The following ATF1 variants were observed in gnomAD, a reference collection of about 807,000 sequenced individuals.
ATF1 encodes the protein activating transcription factor 1.
Under a neutral mutation model 34.7 loss-of-function variants are expected in ATF1, and 16 were observed. The ratio of observed to expected loss-of-function variants is 0.46; its 90% CI spans 0.31 to 0.70. ATF1 has a LOEUF of 0.70. Ranked by LOEUF, ATF1 falls within the 30% of genes least tolerant of loss-of-function variation. The pLI is 0.05. For missense variants in ATF1, 255 were observed against 321.6 expected (o/e 0.79, Z 1.58); for synonymous variants, 105 against 113.1 (o/e 0.93, Z 0.46).
intron 3 of ATF1, chr12:50,806,365 T>C (rs1941617142): frequency 3.9e-6 from 2 of 507,142 alleles, no homozygotes; most frequent in Non-Finnish European, 8.1e-6. Context: ...GATGGGCTTG[T>C]AGACACAAAA....
chr12:50,800,252 A>G (rs1251350512), intron 3 of ATF1, among the ~76,000 whole-genome samples: 1 of 152,218 alleles, frequency 6.6e-6, no homozygotes, highest in African/African-American at 2.4e-5. Context: ...TTGGCACCCA[A>G]AATTCTATGT....
chr12:50,813,729 G>A (rs970674822), intron 4 of ATF1, among the ~76,000 whole-genome samples: 1 of 152,052 alleles, frequency 6.6e-6, no homozygotes, highest in Admixed American at 6.6e-5. Flanking sequence ...CACAAGAATG[G>A]CTTGAACCCA....
intron 1 of ATF1, among the ~76,000 whole-genome samples, chr12:50,774,841 G>A (rs142533559): frequency 7.4e-5 from 11 of 149,392 alleles, no homozygotes; most frequent in African/African-American, 9.8e-5. Flanking sequence ...TCCGCCTCCC[G>A]GGTTCACGCC....
intron 3 of ATF1, among the ~76,000 whole-genome samples, chr12:50,808,990 G>A (rs994311825): frequency 5.3e-5 from 8 of 152,022 alleles, no homozygotes; most frequent in African/African-American, 1.7e-4. Flanking sequence ...CGCTGGTCTC[G>A]GCCTCCCAAA....
chr12:50,814,134 T>C lies in ATF1; in HGVS notation c.453T>C (p.Tyr151=). 4 of 1,614,250 alleles carry C rather than the reference T, an allele frequency of 2.5e-6. No individual in the cohort carries two copies. The highest frequency in any genetic ancestry group is 3.4e-6 in the Non-Finnish European group (4 of 1,180,040). Residue 151 remains tyrosine, a synonymous_variant, in exon 5 of 7, where the codon TAT becomes TAC. Coordinates refer to ENST00000262053, the MANE Select transcript of ATF1 (RefSeq NM_005171.5). ...AGCAAGGTACAACTATTCTTCAGTATGCACAGACCTCTGATGGACAGCAGA... is the reference window on the plus strand; with the variant it reads ...AGCAAGGTACAACTATTCTTCAGTACGCACAGACCTCTGATGGACAGCAGA... ...STQQGTTILQ[Y]AQTSDGQQIL...
chr12:50,773,455 T>TC (rs1393649082), intron 1 of ATF1, among the ~76,000 whole-genome samples: 3 of 147,894 alleles, frequency 2.0e-5, no homozygotes, highest in Admixed American at 6.7e-5. Flanking sequence ...TTTTTTTTTT[T>TC]TTTTTTTTTT....
intron 2 of ATF1, among the ~76,000 whole-genome samples, chr12:50,785,593 A>C (rs1941170564): frequency 6.6e-6 from 1 of 152,176 alleles, no homozygotes; most frequent in Non-Finnish European, 1.5e-5. Flanking sequence ...TTGCGGTCTC[A>C]CACCAAACTG....
intron 2 of ATF1, among the ~76,000 whole-genome samples, chr12:50,789,017 C>T (rs1341817415): frequency 5.3e-5 from 8 of 151,892 alleles, no homozygotes; most frequent in South Asian, 2.1e-4. Context: ...TTCAGGCATG[C>T]GTTACAGTGC....
intron 2 of ATF1, among the ~76,000 whole-genome samples, chr12:50,780,908 A>G (rs1941045993): frequency 1.3e-5 from 2 of 152,044 alleles, no homozygotes; most frequent in South Asian, 2.1e-4. Context: ...TGCAGTGAGC[A>G]CAGACTATGC....
chr12:50,808,634 T>A (rs1192160842), intron 3 of ATF1, among the ~76,000 whole-genome samples: 2 of 152,102 alleles, frequency 1.3e-5, no homozygotes. Flanking sequence ...CAGCCCTCTT[T>A]ACTCTTTAAA....
intron 6 of ATF1, 80 bp downstream of exon 6, chr12:50,814,519 T>C: frequency 7.1e-7 from 1 of 1,407,014 alleles, no homozygotes; most frequent in South Asian, 1.3e-5. Context: ...ACTGGAACTG[T>C]ATACAGTCAT....
chr12:50,766,675 A>T (rs1940644371), intron 1 of ATF1, among the ~76,000 whole-genome samples: 1 of 127,660 alleles, frequency 7.8e-6, no homozygotes, highest in South Asian at 2.9e-4. Context: ...TAAAAGGGGA[A>T]TCTTGAGAGC....
chr12:50,793,943 T>A (rs979814336), intron 2 of ATF1, among the ~76,000 whole-genome samples: 2 of 151,944 alleles, frequency 1.3e-5, no homozygotes, highest in African/African-American at 4.8e-5. Flanking sequence ...GGTTATTTTT[T>A]ATTTATTTTT....
At chr12:50,780,839 A>T (rs1941044596) in intron 2 of ATF1, among the ~76,000 whole-genome samples, 1 of 152,010 alleles carries the variant, frequency 6.6e-6, no homozygotes, top group Non-Finnish European at 1.5e-5. Context: ...GGTTGCCTGT[A>T]ATCCCAGCTG....
intron 3 of ATF1, among the ~76,000 whole-genome samples, chr12:50,799,218 CTACAAAAAA>C (rs1941468280): frequency 6.6e-6 from 1 of 152,090 alleles, no homozygotes; most frequent in Admixed American, 6.6e-5. Context: ...GATCCTGTCT[CTACAAAAAA>C]TACAAAAATT....
chr12:50,806,413 A>G (rs974608008), intron 3 of ATF1: 7 of 490,904 alleles, frequency 1.4e-5, no homozygotes, highest in Non-Finnish European at 2.5e-5. Context: ...GATGCTGACA[A>G]TGGTTCCCAT....
At chr12:50,817,799 G>T (rs1941873412) in intron 6 of ATF1, among the ~76,000 whole-genome samples, 1 of 152,208 alleles carries the variant, frequency 6.6e-6, no homozygotes, top group Non-Finnish European at 1.5e-5. Flanking sequence ...AAGGAAACCG[G>T]TCTGTGAAAG....
intron 1 of ATF1, 83 bp downstream of exon 1, chr12:50,764,390 CGGGTCGCGCGCCTGGTGG>C (rs1245818712): frequency 7.6e-6 from 1 of 132,428 alleles, no homozygotes. Context: ...GGACGCAGCG[CGGGTCGCGCGCCTGGTGG>C]GGGTCGCGCG....
chr12:50,788,521 G>C (rs1347709368), intron 2 of ATF1, among the ~76,000 whole-genome samples: 1 of 150,066 alleles, frequency 6.7e-6, no homozygotes, highest in African/African-American at 2.5e-5. Flanking sequence ...GTATTATTCT[G>C]TTGCTTAAGC....
Sources: allele counts gnomAD v4.1 joint callset (sites outside exome capture counted in the v4.1 genomes callset), GRCh38; gene constraint gnomAD v4.1.1; transcripts MANE v1.5; gene names NCBI Gene and HGNC (gene_info 2026-07-23, HGNC 2026-07-21).